Variants in SCN1A observed in about 807,000 individuals in gnomAD.
SCN1A encodes the protein sodium voltage-gated channel alpha subunit 1.
A neutral mutation model predicts 193.7 loss-of-function variants in SCN1A; 13 were observed. The ratio of observed to expected loss-of-function variants is 0.07; its 90% CI spans 0.04 to 0.11. The LOEUF is 0.11. Ranked by LOEUF, SCN1A falls within the 10% of genes least tolerant of loss-of-function variation. The probability of loss-of-function intolerance (pLI) is 1.00; values close to 1 mark genes in which losing one functional copy is unlikely to be tolerated. For synonymous variants in SCN1A, 781 were observed against 843.6 expected, an observed-to-expected ratio of 0.93 and a Z score of 1.29; for missense variants, 1,432 against 2,451.1, an observed-to-expected ratio of 0.58 and a Z score of 8.78.
At chr2:166,117,984 G>T (rs531537417) in intron 2 of SCN1A, among the ~76,000 whole-genome samples, 208 of 146,964 alleles carry the variant, frequency 1.4e-3, no homozygotes, top group African/African-American at 4.5e-3. Context: ...TTTTTTTTTT[G>T]ATTTTTTGGA....
chr2:166,000,620 G>A (rs1294338923), intron 24 of SCN1A, among the ~76,000 whole-genome samples: 2 of 151,578 alleles, frequency 1.3e-5, no homozygotes, highest in Non-Finnish European at 2.9e-5. Flanking sequence ...TAACCCTTGT[G>A]AGGTGGTGGA....
At chr2:166,135,700 G>A (rs1691829652) in intron 1 of SCN1A, among the ~76,000 whole-genome samples, 1 of 152,130 alleles carries the variant, frequency 6.6e-6, no homozygotes, top group African/African-American at 2.4e-5. Context: ...TCCACTCCAG[G>A]GACTGAGGCC....
intron 19 of SCN1A, among the ~76,000 whole-genome samples, chr2:166,028,409 G>C (rs1364779169): frequency 6.6e-6 from 1 of 152,074 alleles, no homozygotes; most frequent in Non-Finnish European, 1.5e-5. Flanking sequence ...GATTTTTAAT[G>C]TTAAATTATA....
At chr2:166,102,137 C>A (rs1473995312) in intron 2 of SCN1A, among the ~76,000 whole-genome samples, 5 of 152,214 alleles carry the variant, frequency 3.3e-5, no homozygotes, top group Non-Finnish European at 5.9e-5. Flanking sequence ...CATCATGAAT[C>A]ATTAGAGAAA....
intron 15 of SCN1A, among the ~76,000 whole-genome samples, chr2:166,041,840 A>C (rs965906005): frequency 6.6e-6 from 1 of 152,166 alleles, no homozygotes; most frequent in Non-Finnish European, 1.5e-5. Flanking sequence ...ACCTCAGACT[A>C]TGAGAGCTAG....
chr2:166,140,718 CTT>C (rs1314433875), intron 1 of SCN1A, among the ~76,000 whole-genome samples: 1 of 152,126 alleles, frequency 6.6e-6, no homozygotes, highest in Non-Finnish European at 1.5e-5. Flanking sequence ...AGTAAGCTTC[CTT>C]TGGTGGAAGC....
At chr2:166,141,949 C>T (rs1011732125) in intron 1 of SCN1A, among the ~76,000 whole-genome samples, 2 of 152,004 alleles carry the variant, frequency 1.3e-5, no homozygotes, top group African/African-American at 4.8e-5. Context: ...GTTTCCATCA[C>T]CAGAAATTAT....
rs139403702 is a variant in SCN1A at position 166,043,909 on chromosome 2, G to A, written c.1803C>T (p.Asn601=). ...ADDEHSTFED[N]ESRRDSLFVP... ...CAAACAAGGAATCTCTACGGCTCTC[G>A]TTATCCTCAAAGGTGCTGTGCTCAT... Residue 601 remains asparagine, a synonymous_variant, in exon 14 of 29, where the codon AAC becomes AAT. Transcript: ENST00000674923. 1.7e-5 allele frequency: 28 copies of A among 1,613,938 alleles called. No homozygotes were observed. Among genetic ancestry groups the A allele is most frequent in the African/African-American group, 1.6e-4 (12 of 74,882 alleles).
chr2:166,087,215 C>T (rs1686234107), intron 2 of SCN1A, among the ~76,000 whole-genome samples: 1 of 151,394 alleles, frequency 6.6e-6, no homozygotes, highest in South Asian at 2.1e-4. Context: ...ACCTGTAATC[C>T]CAGGACTTTG....
intron 1 of SCN1A, chr2:166,137,395 G>A (rs901158379): frequency 6.6e-6 from 1 of 152,148 alleles, no homozygotes; most frequent in Non-Finnish European, 1.5e-5. Context: ...ATCTTGAATT[G>A]TAACTCCCAC....
chr2:166,111,549 A>C (rs1313938361), intron 2 of SCN1A, among the ~76,000 whole-genome samples: 5 of 152,166 alleles, frequency 3.3e-5, no homozygotes, highest in Non-Finnish European at 4.4e-5. Context: ...CTGATAGCAC[A>C]ACACGCACTC....
chr2:166,071,159 G>A (rs551463654), intron 4 of SCN1A, among the ~76,000 whole-genome samples: 4 of 152,254 alleles, frequency 2.6e-5, no homozygotes, highest in African/African-American at 9.6e-5. Context: ...CTTCAATACC[G>A]AAGTCATTTT....
chr2:166,086,802 C>G lies in SCN1A; in HGVS notation c.-141-9001G>C, dbSNP rs79133666. Among the ~76,000 whole-genome samples, 39 of 152,274 alleles carry G rather than the reference C, an allele frequency of 2.6e-4. 1 individual carries two copies. The East Asian group carries it at 7.0e-3, about 27-fold the overall frequency. The stretch of plus-strand genomic sequence containing the variant: ...CTCACTATATTCCTTTTGTGGTATA[C>G]TGGTCTGGGTTAAAGAGACCCTCTA... On this transcript the variant is annotated intron_variant, in intron 2 of 28. Transcript: ENST00000674923.
At chr2:166,129,259 G>T (rs1461971226), upstream of SCN1A, among the ~76,000 whole-genome samples, 1 of 152,078 alleles carries the variant, frequency 6.6e-6, no homozygotes, top group African/African-American at 2.4e-5. Flanking sequence ...GGTCCCAAGA[G>T]CCCAAAGAAT....
rs1688605023 is a variant in SCN1A at position 165,986,283 on chromosome 2, C to T, written c.*4962G>A. ...CTTAATTTTCTGGCTTAACTATAGA[C>T]ATATGAAAACCTTGTCATAAGGGTG... On this transcript the variant is annotated 3_prime_UTR_variant, in exon 29 of 29. Transcript: ENST00000674923. 1 of 152,040 alleles carries T rather than the reference C, an allele frequency of 6.6e-6. No individual in the cohort carries two copies. Among genetic ancestry groups the T allele is most frequent in the African/African-American group, 2.4e-5 (1 of 41,402 alleles). 9.4% of individuals were successfully genotyped at this position (152,040 alleles called of 1,614,324 possible).
chr2:166,063,846 G>A (rs1559264912), intron 4 of SCN1A, among the ~76,000 whole-genome samples: 3 of 151,950 alleles, frequency 2.0e-5, no homozygotes, highest in Admixed American at 6.6e-5. Flanking sequence ...CTAAGTCTTA[G>A]ATCTTTGAAA....
chr2:166,069,387 T>C (rs1684181112), intron 4 of SCN1A, among the ~76,000 whole-genome samples: 2 of 152,214 alleles, frequency 1.3e-5, no homozygotes, highest in African/African-American at 4.8e-5. Flanking sequence ...GAACATGGAT[T>C]AAACTGCTTT....
chr2:166,041,103 A>C, intron 16 of SCN1A, 128 bp downstream of exon 16: 1 of 770,296 alleles, frequency 1.3e-6, no homozygotes, highest in South Asian at 1.5e-5. Flanking sequence ...AGCTAAATAT[A>C]ATTGCGATTT....
At chr2:166,132,539 G>A (rs1691702960), upstream of SCN1A, among the ~76,000 whole-genome samples, 1 of 152,094 alleles carries the variant, frequency 6.6e-6, no homozygotes, top group Admixed American at 6.6e-5. Flanking sequence ...AGATTAACCT[G>A]CCCTTTTGAA....
Sources: allele counts gnomAD v4.1 joint callset (sites outside exome capture counted in the v4.1 genomes callset), GRCh38; gene constraint gnomAD v4.1.1; transcripts MANE v1.5; gene names NCBI Gene and HGNC (gene_info 2026-07-23, HGNC 2026-07-21).